The following PTPRD variants were observed in gnomAD, a reference collection of about 807,000 sequenced individuals.
The protein encoded by PTPRD is protein tyrosine phosphatase receptor type D.
A neutral mutation model predicts 214.5 loss-of-function variants in PTPRD; 34 were observed. That is an observed-to-expected ratio of 0.16 (90% CI 0.12 to 0.21). The LOEUF is 0.21. Ranked by LOEUF, PTPRD falls within the 10% of genes least tolerant of loss-of-function variation. The probability of loss-of-function intolerance (pLI) is 1.00; values close to 1 mark genes in which losing one functional copy is unlikely to be tolerated. For synonymous variants in PTPRD, 1,128 were observed against 845.7 expected (o/e 1.33, Z -5.79); for missense variants, 2,545 against 2,398.7 (o/e 1.06, Z -1.27).
At chr9:10,505,300 T>G (rs2045542584) in intron 2 of PTPRD, among the ~76,000 whole-genome samples, 1 of 152,150 alleles carries the variant, frequency 6.6e-6, no homozygotes, top group African/African-American at 2.4e-5. Context: ...TTCACTAGAT[T>G]TAAAGTTTAG....
intron 5 of PTPRD, among the ~76,000 whole-genome samples, chr9:9,907,185 A>T (rs2077820584): frequency 7.4e-6 from 1 of 134,692 alleles, no homozygotes; most frequent in Admixed American, 7.5e-5. Flanking sequence ...TGCGGTGGCA[A>T]ACACAGTCTA....
At chr9:10,475,664 G>A (rs1187735470) in intron 2 of PTPRD, among the ~76,000 whole-genome samples, 1 of 152,058 alleles carries the variant, frequency 6.6e-6, no homozygotes, top group African/African-American at 2.4e-5. Context: ...AAACCTGGCA[G>A]AGACACAACT....
intron 8 of PTPRD, among the ~76,000 whole-genome samples, chr9:9,406,755 A>G (rs1249906280): frequency 6.6e-6 from 1 of 151,822 alleles, no homozygotes; most frequent in Non-Finnish European, 1.5e-5. Flanking sequence ...GGGAAGGAGA[A>G]TATTAATGAG....
Position 9,860,737 on chromosome 9 carries a change from A to G in PTPRD, c.-368+77770T>C, listed in dbSNP as rs150271780. ...TACATGAAGCTTTCCTAGGACCACT[A>G]AACAATTGTAGTTCATTACTGATCC... On this transcript the variant is annotated intron_variant, in intron 5 of 45. Coordinates refer to ENST00000381196, the MANE Select transcript of PTPRD (RefSeq NM_002839.4). 2.0e-5 allele frequency among the ~76,000 whole-genome samples: 3 copies of G among 152,084 alleles called. No homozygotes were observed. In the South Asian group the frequency reaches 6.2e-4, roughly 32 times the overall value.
chr9:9,376,794 G>A (rs1220655786), intron 9 of PTPRD, among the ~76,000 whole-genome samples: 1 of 152,022 alleles, frequency 6.6e-6, no homozygotes, highest in Non-Finnish European at 1.5e-5. Flanking sequence ...GATGAAAAAA[G>A]AAAGGCGGGA....
At chr9:9,264,214 T>C (rs551525813) in intron 9 of PTPRD, among the ~76,000 whole-genome samples, 2 of 151,722 alleles carry the variant, frequency 1.3e-5, no homozygotes, top group South Asian at 4.1e-4. Context: ...CCTAAAAGAA[T>C]TGGACATCTA....
In PTPRD at chr9:9,321,597, G is replaced by GTATAT. The variant is rs1966589146; in HGVS notation, c.-203+75851_-203+75852insATATA. Among the ~76,000 whole-genome samples the GTATAT allele has an allele frequency of 2.7e-5, 4 of 149,916 alleles. No individual in the cohort carries two copies. In the South Asian group the frequency reaches 8.5e-4, roughly 32 times the overall value. The stretch of plus-strand genomic sequence containing the variant: ...CTGTTTTTGTTAAAATGCCATGTAT[G>GTATAT]CATATCTGATTTTTCCATAAAACAC... On this transcript the variant is annotated intron_variant, in intron 9 of 45. Transcript: ENST00000381196.
chr9:8,589,105 T>C (rs1027459717), intron 14 of PTPRD, among the ~76,000 whole-genome samples: 8 of 152,210 alleles, frequency 5.3e-5, no homozygotes, highest in Non-Finnish European at 1.2e-4. Flanking sequence ...CCATCAACAT[T>C]ATTCAGAATT....
At chr9:9,457,166 G>A (rs2093126467) in intron 8 of PTPRD, among the ~76,000 whole-genome samples, 1 of 151,840 alleles carries the variant, frequency 6.6e-6, no homozygotes, top group Non-Finnish European at 1.5e-5. Flanking sequence ...AGAGGAAACA[G>A]TACAATTGGT....
At chr9:9,693,136 G>A (rs1019608595) in intron 7 of PTPRD, among the ~76,000 whole-genome samples, 1 of 151,088 alleles carries the variant, frequency 6.6e-6, no homozygotes. Context: ...GTTTGGTCTA[G>A]CTAAGACTTC....
intron 41 of PTPRD, 127 bp downstream of exon 41, chr9:8,340,963 G>C: frequency 5.4e-6 from 5 of 921,368 alleles, no homozygotes; most frequent in Non-Finnish European, 7.9e-6. Context: ...CAAATACCAA[G>C]GGACTAAATG....
rs527392926 is a variant in PTPRD, at chr9:9,179,369, T to A, written c.-143+3935A>T. ...CCCCACATATTTCCAAATGCAGACA[T>A]TTTAACAGTTTCTGGCTATCATTAG... On this transcript the variant is annotated intron_variant, in intron 10 of 45. Transcript: ENST00000381196. Among the ~76,000 whole-genome samples, 317 of 152,212 alleles carry A rather than the reference T, an allele frequency of 2.1e-3. 3 individuals carry two copies. The highest frequency in any genetic ancestry group is 7.4e-3 in the African/African-American group (306 of 41,566).
intron 32 of PTPRD, among the ~76,000 whole-genome samples, chr9:8,465,012 T>C (rs1222899856): frequency 6.6e-6 from 1 of 151,902 alleles, no homozygotes; most frequent in Non-Finnish European, 1.5e-5. Context: ...AAAGTCAGTA[T>C]TTTCAGAAAT....
intron 3 of PTPRD, among the ~76,000 whole-genome samples, chr9:10,199,681 G>C (rs2099411777): frequency 6.6e-6 from 1 of 151,822 alleles, no homozygotes; most frequent in South Asian, 2.1e-4. Flanking sequence ...ATACCACATA[G>C]CTTCCCTTAA....
chr9:8,731,390 CAGTT>C (rs2098657333), intron 12 of PTPRD, among the ~76,000 whole-genome samples: 1 of 152,090 alleles, frequency 6.6e-6, no homozygotes. Context: ...ATACGAAACA[CAGTT>C]AGGTAAAAGG....
chr9:10,397,961 T>C (rs192821835), intron 2 of PTPRD, among the ~76,000 whole-genome samples: 97 of 152,044 alleles, frequency 6.4e-4, no homozygotes, highest in African/African-American at 2.1e-3. Context: ...CTGATATTAA[T>C]TAGGAGCAGG....
intron 8 of PTPRD, among the ~76,000 whole-genome samples, chr9:9,559,921 A>T (rs995028003): frequency 5.9e-5 from 9 of 152,174 alleles, no homozygotes; most frequent in African/African-American, 9.7e-5. Flanking sequence ...ACCAGCTTCC[A>T]CAGCTGCCAA....
chr9:8,653,125 C>A (rs938358864), intron 12 of PTPRD, among the ~76,000 whole-genome samples: 1 of 152,040 alleles, frequency 6.6e-6, no homozygotes, highest in African/African-American at 2.4e-5. Context: ...TGAGATGGAT[C>A]TAAAAATGCC....
chr9:10,173,699 A>G (rs1157721351), intron 3 of PTPRD, among the ~76,000 whole-genome samples: 1 of 152,018 alleles, frequency 6.6e-6, no homozygotes, highest in Non-Finnish European at 1.5e-5. Flanking sequence ...ACAGAAAATA[A>G]CAAAGACTCA....
Sources: allele counts gnomAD v4.1 joint callset (sites outside exome capture counted in the v4.1 genomes callset), GRCh38; gene constraint gnomAD v4.1.1; transcripts MANE v1.5; gene names NCBI Gene and HGNC (gene_info 2026-07-23, HGNC 2026-07-21).